The following PCDHGA1 variants were observed in gnomAD, a reference collection of about 807,000 sequenced individuals.
The protein encoded by PCDHGA1 is protocadherin gamma subfamily A, 1.
In PCDHGA1, 32 loss-of-function variants were observed where a neutral mutation model predicts 58.0. The observed-to-expected ratio is 0.55, with a 90% CI of 0.42 to 0.74. The LOEUF is 0.74. Ranked by LOEUF, PCDHGA1 falls within the 30% of genes least tolerant of loss-of-function variation. PCDHGA1 has a pLI of 0.00. For missense variants in PCDHGA1, 1,205 were observed against 1,182.3 expected, an observed-to-expected ratio of 1.02 and a Z score of -0.28; for synonymous variants, 498 against 501.1, an observed-to-expected ratio of 0.99 and a Z score of 0.08.
chr5:141,342,039 T>C (rs969604137), intron 1 of PCDHGA1: 4 of 152,782 alleles, frequency 2.6e-5, no homozygotes, highest in Admixed American at 6.5e-5. Flanking sequence ...AGCTATATGC[T>C]TCTTGAAGAA....
At chr5:141,446,288 G>C (rs1437669688) in intron 1 of PCDHGA1, among the ~76,000 whole-genome samples, 1 of 152,100 alleles carries the variant, frequency 6.6e-6, no homozygotes, top group Non-Finnish European at 1.5e-5. Flanking sequence ...GGATAAATGG[G>C]GAGCAGGGAT....
chr5:141,408,527 G>T lies in PCDHGA1; in HGVS notation c.2421+75422G>T, dbSNP rs1239443007. ...AAGATGTGAGTTGCAATTGGAAGCT[G>T]TGGTGGAAAATCCTTTAAATATTTT... On this transcript the variant is annotated intron_variant, in intron 1 of 3. Coordinates refer to ENST00000517417, the MANE Select transcript of PCDHGA1 (RefSeq NM_018912.3). 2.5e-6 allele frequency: 4 copies of T among 1,613,954 alleles called. No homozygotes were observed. The African/African-American group carries it at 5.3e-5, about 22-fold the overall frequency.
Position 141,432,208 on chromosome 5 carries a change from G to A in PCDHGA1, c.2422-62599G>A, listed in dbSNP as rs150518735. The A allele has an allele frequency of 3.4e-5, 55 of 1,614,196 alleles. No individual in the cohort carries two copies. In the Middle Eastern group the frequency reaches 8.2e-4, roughly 24 times the overall value. Reference sequence around the variant, plus strand: ...CCGCCCACGACCCCGACTGTGAAGAGAACGCCCAGATCACTTATTCCCTGG... The same window carrying A: ...CCGCCCACGACCCCGACTGTGAAGAAAACGCCCAGATCACTTATTCCCTGG... On this transcript the variant is annotated intron_variant, in intron 1 of 3. Transcript: ENST00000517417. The surrounding 1 kb of genome is among the most constrained non-coding windows in gnomAD (Gnocchi z 6.0).
chr5:141,448,851 A>T (rs1374003271), intron 1 of PCDHGA1, among the ~76,000 whole-genome samples: 1 of 152,124 alleles, frequency 6.6e-6, no homozygotes, highest in Admixed American at 6.5e-5. Context: ...AGGCTGAGGC[A>T]GGAGAATGGC....
chr5:141,487,864 C>A lies in PCDHGA1; in HGVS notation c.2422-6943C>A. On this transcript the variant is annotated intron_variant, in intron 1 of 3. Coordinates refer to ENST00000517417, the MANE Select transcript of PCDHGA1 (RefSeq NM_018912.3). The surrounding 1 kb of genome is among the most constrained non-coding windows in gnomAD (Gnocchi z 5.0). ...GTAAGAAATGAAAGTAATTGGTGAT[C>A]AAGAGCCAGGCTGTTGTGGAAGCAT... 1 of 899,610 alleles carries A rather than the reference C, an allele frequency of 1.1e-6. No individual in the cohort carries two copies. Among genetic ancestry groups the A allele is most frequent in the Non-Finnish European group, 1.7e-6 (1 of 599,584 alleles). The allele number at this position is 899,610 out of a possible 1,614,324, so 55.7% of individuals were successfully genotyped here.
At chr5:141,460,989 A>G (rs199888312) in intron 1 of PCDHGA1, among the ~76,000 whole-genome samples, 3,445 of 98,242 alleles carry the variant, frequency 0.035, 55 homozygotes, top group African/African-American at 0.064. Context: ...GTGTGTATAT[A>G]TATATATGTG....
At chr5:141,345,643 G>A (rs1242064357) in intron 1 of PCDHGA1, 1 of 1,614,204 alleles carries the variant, frequency 6.2e-7, no homozygotes, top group Non-Finnish European at 8.5e-7. Flanking sequence ...GCCAGCGACA[G>A]CGGGAACCCT....
At chr5:141,421,464 T>C in intron 1 of PCDHGA1, 1 of 1,614,090 alleles carries the variant, frequency 6.2e-7, no homozygotes, top group Non-Finnish European at 8.5e-7. Flanking sequence ...TCGCTGTGAA[T>C]CCGCGAAGCG....
chr5:141,369,637 T>C (rs976124194), intron 1 of PCDHGA1, among the ~76,000 whole-genome samples: 1 of 152,212 alleles, frequency 6.6e-6, no homozygotes, highest in Admixed American at 6.5e-5. Context: ...CTTTAACTTC[T>C]TTTGGGGGGA....
chr5:141,393,508 T>C, intron 1 of PCDHGA1: 1 of 1,614,010 alleles, frequency 6.2e-7, no homozygotes, highest in Non-Finnish European at 8.5e-7. Context: ...CACGTGACAG[T>C]GTTGGATACA....
rs1021061111 is a variant in PCDHGA1 at position 141,352,197 on chromosome 5, G to C, written c.2421+19092G>C. ...CTGCTGGTCGCTGTGCGTGATGGAG[G>C]ACAGCCGCCACTCTCCGCCACCGCC... On this transcript the variant is annotated intron_variant, in intron 1 of 3. Transcript: ENST00000517417. 1.9e-6 allele frequency: 3 copies of C among 1,613,922 alleles called. No individual in the cohort carries two copies. Among genetic ancestry groups the C allele is most frequent in the Non-Finnish European group, 2.5e-6 (3 of 1,179,892 alleles).
Position 141,511,464 on chromosome 5 carries a change from C to G in PCDHGA1, c.*291C>G. 1.9e-6 allele frequency: 1 copy of G among 538,254 alleles called. No individual in the cohort carries two copies. The highest frequency in any genetic ancestry group is 2.1e-5 in the South Asian group (1 of 47,028). The allele number at this position is 538,254 out of a possible 1,614,324, so 33.3% of individuals were successfully genotyped here. On this transcript the variant is annotated 3_prime_UTR_variant, in exon 4 of 4. Transcript: ENST00000517417. ...ACACCAAGAACCATTTGCCACACCC[C>G]GTTTAGTTACAGCTGAACTCCTCCA...
rs926814527 is a variant in PCDHGA1 at position 141,388,113 on chromosome 5, G to A, written c.2421+55008G>A. 7 of 1,412,244 alleles carry A rather than the reference G, an allele frequency of 5.0e-6. No individual in the cohort carries two copies. Among genetic ancestry groups the A allele is most frequent in the African/African-American group, 4.3e-5 (3 of 69,434 alleles). 87.5% of individuals were successfully genotyped at this position (1,412,244 alleles called of 1,614,324 possible). On this transcript the variant is annotated intron_variant, in intron 1 of 3. Transcript: ENST00000517417. ...CAGTTCGGAGAAGCCTTACTTCACCGTGAGCGCAGAGAGCGGGGAGTTGCT... is the reference window on the plus strand; with the variant it reads ...CAGTTCGGAGAAGCCTTACTTCACCATGAGCGCAGAGAGCGGGGAGTTGCT...
At chr5:141,455,842 C>T (rs1224197325) in intron 1 of PCDHGA1, among the ~76,000 whole-genome samples, 1 of 150,876 alleles carries the variant, frequency 6.6e-6, no homozygotes, top group Non-Finnish European at 1.5e-5. Context: ...TGTCTATCTG[C>T]ATAAAATAAT....
At chr5:141,413,804 C>G in intron 1 of PCDHGA1, 1 of 1,613,194 alleles carries the variant, frequency 6.2e-7, no homozygotes, top group Non-Finnish European at 8.5e-7. Context: ...GAGGAAGAGG[C>G]CATTCACCAC....
intron 1 of PCDHGA1, chr5:141,371,023 T>A: frequency 6.2e-7 from 1 of 1,614,008 alleles, no homozygotes. Flanking sequence ...CATCACCACC[T>A]GGTCCTCACA....
intron 1 of PCDHGA1, among the ~76,000 whole-genome samples, chr5:141,466,292 T>C (rs1050311680): frequency 3.3e-5 from 5 of 152,134 alleles, no homozygotes; most frequent in Non-Finnish European, 5.9e-5. Context: ...CACCTCAGGC[T>C]CCCAAGTAGC....
At position 141,410,285 on chromosome 5, in the gene PCDHGA1, G is replaced by T. The variant is rs746596172; in HGVS notation, c.2421+77180G>T. 7 of 1,614,010 alleles carry T rather than the reference G, an allele frequency of 4.3e-6. No homozygotes were observed. The Admixed American group carries it at 1.2e-4, about 27-fold the overall frequency. ...TGAACTGCAGTTTTACCTGGTGGTGGCCTTGGCCTTAATCTCAGTGCTCTT... is the reference window on the plus strand; with the variant it reads ...TGAACTGCAGTTTTACCTGGTGGTGTCCTTGGCCTTAATCTCAGTGCTCTT... On this transcript the variant is annotated intron_variant, in intron 1 of 3. Coordinates refer to ENST00000517417, the MANE Select transcript of PCDHGA1 (RefSeq NM_018912.3).
intron 1 of PCDHGA1, chr5:141,484,931 A>G (rs940135310): frequency 1.4e-5 from 7 of 497,998 alleles, no homozygotes; most frequent in Non-Finnish European, 2.5e-5. Flanking sequence ...TGCTGTTGGG[A>G]CGTTCTCTGC....
Sources: gnomAD v4.1 joint callset for allele counts (sites outside exome capture counted in the v4.1 genomes callset) on GRCh38, gnomAD v4.1.1 for gene constraint, Gnocchi (gnomAD v3.1) non-coding constraint, MANE v1.5 for transcripts, NCBI Gene and HGNC (gene_info 2026-07-23, HGNC 2026-07-21) for gene names.